Variants in CNTN4 observed in about 807,000 individuals in gnomAD.
CNTN4 encodes the protein contactin 4.
A neutral mutation model predicts 122.5 loss-of-function variants in CNTN4; 77 were observed. The observed-to-expected ratio is 0.63, with a 90% CI of 0.52 to 0.76. The LOEUF (loss-of-function observed/expected upper bound fraction) is 0.76. Among genes scored for constraint, CNTN4 ranks in the 30% least tolerant of loss-of-function variants. CNTN4 has a pLI of 0.00. For missense variants in CNTN4, 1,256 were observed against 1,259.1 expected, an observed-to-expected ratio of 1.00 and a Z score of 0.04; for synonymous variants, 512 against 447.0, an observed-to-expected ratio of 1.15 and a Z score of -1.83.
chr3:2,578,567 T>G (rs558477959), intron 4 of CNTN4, among the ~76,000 whole-genome samples: 46 of 152,326 alleles, frequency 3.0e-4, no homozygotes, highest in Admixed American at 5.2e-4. Flanking sequence ...ATTCTACCCA[T>G]GTATTAAACC....
At chr3:2,758,441 T>C (rs1002554195) in intron 6 of CNTN4, among the ~76,000 whole-genome samples, 11 of 151,746 alleles carry the variant, frequency 7.2e-5, no homozygotes, top group Non-Finnish European at 1.5e-4. Context: ...TAAAGGTGCA[T>C]ATTCCATATA....
At chr3:2,962,877 C>A (rs2094875894) in intron 13 of CNTN4, among the ~76,000 whole-genome samples, 1 of 152,174 alleles carries the variant, frequency 6.6e-6, no homozygotes, top group South Asian at 2.1e-4. Context: ...TGAGTCCCAT[C>A]CGTCTTGTTC....
chr3:3,007,299 G>A (rs143628012), intron 14 of CNTN4, among the ~76,000 whole-genome samples: 1 of 152,286 alleles, frequency 6.6e-6, no homozygotes, highest in East Asian at 1.9e-4. Flanking sequence ...TGTGAGCACT[G>A]GAGTCTGTGA....
chr3:2,426,809 G>A (rs572999958), intron 3 of CNTN4, among the ~76,000 whole-genome samples: 12 of 152,272 alleles, frequency 7.9e-5, no homozygotes, highest in Admixed American at 3.9e-4. Context: ...GAGGGTGTAT[G>A]TGTCCAGAAA....
intron 2 of CNTN4, among the ~76,000 whole-genome samples, chr3:2,184,171 A>G (rs892069462): frequency 6.6e-6 from 1 of 152,062 alleles, no homozygotes; most frequent in African/African-American, 2.4e-5. Context: ...ATTTTGGTAG[A>G]AACGAGGTTT....
chr3:2,494,104 T>A (rs1223906667), intron 3 of CNTN4, among the ~76,000 whole-genome samples: 1 of 152,150 alleles, frequency 6.6e-6, no homozygotes, highest in Non-Finnish European at 1.5e-5. Context: ...TACATGTTAT[T>A]GAACCAATTA....
At chr3:2,496,735 T>C (rs2076463134) in intron 3 of CNTN4, among the ~76,000 whole-genome samples, 1 of 152,214 alleles carries the variant, frequency 6.6e-6, no homozygotes, top group South Asian at 2.1e-4. Flanking sequence ...TGTCCTACCA[T>C]TGTTTTTCCA....
chr3:2,323,098 G>A (rs1057184266), intron 2 of CNTN4, among the ~76,000 whole-genome samples: 1 of 152,182 alleles, frequency 6.6e-6, no homozygotes, highest in Non-Finnish European at 1.5e-5. Context: ...TGCCTCTGGA[G>A]AGACTGATCT....
At chr3:2,182,554 T>C (rs1360196256) in intron 2 of CNTN4, among the ~76,000 whole-genome samples, 1 of 152,126 alleles carries the variant, frequency 6.6e-6, no homozygotes, top group Non-Finnish European at 1.5e-5. Context: ...CTACTCCTTA[T>C]AATTATGGGG....
intron 3 of CNTN4, among the ~76,000 whole-genome samples, chr3:2,404,037 CACAGTGGTT>C (rs1386686184): frequency 1.3e-5 from 2 of 152,084 alleles, no homozygotes; most frequent in African/African-American, 4.8e-5. Flanking sequence ...ATTATCTATC[CACAGTGGTT>C]ATTGTGCATG....
At chr3:2,174,513 A>G (rs980410629) in intron 2 of CNTN4, among the ~76,000 whole-genome samples, 1 of 152,150 alleles carries the variant, frequency 6.6e-6, no homozygotes. Flanking sequence ...GTAAAGGACC[A>G]AGGAACTCTC....
In CNTN4 at chr3:2,782,536, C is replaced by T. The variant is rs999216202; in HGVS notation, c.358+36839C>T. ...GTGTGTTTTAATGGGAAGGAAACCA[C>T]AGTTTCTAAATGGTCCCACCTTCCT... is the stretch of plus-strand genomic sequence containing the variant. On this transcript the variant is annotated intron_variant, in intron 6 of 24. Coordinates refer to ENST00000418658, the MANE Select transcript of CNTN4 (RefSeq NM_175607.3). 2.0e-5 allele frequency among the ~76,000 whole-genome samples: 3 copies of T among 147,234 alleles called. No homozygotes were observed. The East Asian group carries it at 6.0e-4, about 30-fold the overall frequency.
intron 3 of CNTN4, among the ~76,000 whole-genome samples, chr3:2,491,113 C>T (rs1196068790): frequency 6.6e-6 from 1 of 152,096 alleles, no homozygotes; most frequent in Non-Finnish European, 1.5e-5. Flanking sequence ...ACCAATAGAA[C>T]AAGACATTTA....
chr3:2,911,896 G>T (rs1175689278), intron 12 of CNTN4, among the ~76,000 whole-genome samples: 1 of 152,088 alleles, frequency 6.6e-6, no homozygotes, highest in Non-Finnish European at 1.5e-5. Context: ...AGGCAGAGGA[G>T]CAAAACGGAA....
chr3:2,980,705 A>G (rs1693879173), intron 13 of CNTN4, among the ~76,000 whole-genome samples: 1 of 152,226 alleles, frequency 6.6e-6, no homozygotes, highest in African/African-American at 2.4e-5. Flanking sequence ...CAAAAGAAAG[A>G]GAAAGAACAG....
At chr3:3,017,007 A>G (rs543121402) in intron 14 of CNTN4, among the ~76,000 whole-genome samples, 1 of 152,148 alleles carries the variant, frequency 6.6e-6, no homozygotes, top group Non-Finnish European at 1.5e-5. Context: ...TCACAATACT[A>G]TGTGGCTGTG....
intron 3 of CNTN4, among the ~76,000 whole-genome samples, chr3:2,552,565 C>T (rs2078553611): frequency 6.7e-6 from 1 of 149,644 alleles, no homozygotes; most frequent in East Asian, 2.1e-4. Flanking sequence ...TATAAATTGG[C>T]ATTTGACAAG....
Position 3,015,116 on chromosome 3 carries a change from A to T in CNTN4, c.1487-10986A>T, listed in dbSNP as rs189797979. On this transcript the variant is annotated intron_variant, in intron 14 of 24. Transcript: ENST00000418658. ...TTTCATTCTCCCTCCTTTAAATTTC[A>T]CTGAATGTGTATATAGGTCTCACTA... Among the ~76,000 whole-genome samples the T allele has an allele frequency of 4.1e-3, 627 of 152,224 alleles. 6 individuals carry two copies. Among genetic ancestry groups the T allele is most frequent in the African/African-American group, 0.014 (599 of 41,536 alleles).
At chr3:2,448,866 G>A (rs1379317381) in intron 3 of CNTN4, among the ~76,000 whole-genome samples, 1 of 152,108 alleles carries the variant, frequency 6.6e-6, no homozygotes, top group Non-Finnish European at 1.5e-5. Context: ...GGAAAGCATC[G>A]TGTGAATGAT....
Sources: gnomAD v4.1 joint callset for allele counts (sites outside exome capture counted in the v4.1 genomes callset) on GRCh38, gnomAD v4.1.1 for gene constraint, MANE v1.5 for transcripts, NCBI Gene and HGNC (gene_info 2026-07-23, HGNC 2026-07-21) for gene names.